PARP8: variants seen among roughly 807,000 people sequenced by gnomAD.
PARP8 encodes protein mono-ADP-ribosyltransferase PARP8.
Under a neutral mutation model 124.1 loss-of-function variants are expected in PARP8, and 51 were observed. The observed-to-expected ratio is 0.41, with a 90% CI of 0.33 to 0.52. The LOEUF (loss-of-function observed/expected upper bound fraction) is 0.52. PARP8 is among the 20% of genes least tolerant of loss of function. The pLI, the probability that PARP8 is intolerant of heterozygous loss-of-function variation, is 0.21. For missense variants in PARP8, 860 were observed against 1,018.9 expected, an observed-to-expected ratio of 0.84 and a Z score of 2.12; for synonymous variants, 391 against 361.5, an observed-to-expected ratio of 1.08 and a Z score of -0.93.
At chr5:50,749,687 T>C (rs948755319) in intron 2 of PARP8, among the ~76,000 whole-genome samples, 2 of 152,112 alleles carry the variant, frequency 1.3e-5, no homozygotes, top group African/African-American at 4.8e-5. Context: ...TTGTTAATTC[T>C]TTTAGAAAAA....
Position 50,744,939 on chromosome 5 carries a change from C to T in PARP8, c.147-5212C>T, listed in dbSNP as rs1439438081. On this transcript the variant is annotated intron_variant, in intron 2 of 25. Transcript: ENST00000281631. ...AACAGTACTCTGCAATCTACTTAAGCTTTGTTCTTTCCACGTTTTTTTGGT... is the reference window on the plus strand; with the variant it reads ...AACAGTACTCTGCAATCTACTTAAGTTTTGTTCTTTCCACGTTTTTTTGGT... 5.2e-6 allele frequency: 3 copies of T among 575,794 alleles called. No individual in the cohort carries two copies. The African/African-American group carries it at 5.6e-5, about 11-fold the overall frequency. 35.7% of individuals were successfully genotyped at this position (575,794 alleles called of 1,614,324 possible).
intron 7 of PARP8, among the ~76,000 whole-genome samples, chr5:50,768,337 T>C (rs1580270016): frequency 6.6e-6 from 1 of 152,046 alleles, no homozygotes; most frequent in African/African-American, 2.4e-5. Context: ...AAAAAAAAAC[T>C]TTATACATAT....
intron 14 of PARP8, among the ~76,000 whole-genome samples, chr5:50,814,474 T>C (rs534158517): frequency 6.6e-6 from 1 of 152,296 alleles, no homozygotes; most frequent in East Asian, 1.9e-4. Flanking sequence ...AAATGCACTT[T>C]TAAGTCTGAC....
intron 3 of PARP8, among the ~76,000 whole-genome samples, chr5:50,751,636 C>T (rs190358921): frequency 7.2e-5 from 11 of 152,060 alleles, no homozygotes; most frequent in Non-Finnish European, 1.3e-4. Flanking sequence ...TTCTCAATGC[C>T]GGTCTGTAGG....
chr5:50,688,663 A>G (rs1338782666), intron 2 of PARP8, among the ~76,000 whole-genome samples: 1 of 152,218 alleles, frequency 6.6e-6, no homozygotes, highest in Non-Finnish European at 1.5e-5. Flanking sequence ...TCTCATCTTT[A>G]TATAGGAAGT....
intron 14 of PARP8, among the ~76,000 whole-genome samples, chr5:50,800,351 A>T (rs372748631): frequency 6.6e-6 from 1 of 152,188 alleles, no homozygotes; most frequent in Non-Finnish European, 1.5e-5. Context: ...TTGTTTCTCT[A>T]TATAAAATTA....
Position 50,667,606 on chromosome 5 carries a change from G to C in PARP8, c.91+420G>C, listed in dbSNP as rs554418337. ...CTGCTGCGCTGCGCTGCGCTTGTAA[G>C]CTGCGCCCGGCGCCGAGGACCCCCG... is the stretch of plus-strand genomic sequence containing the variant. On this transcript the variant is annotated intron_variant, in intron 1 of 25. Transcript: ENST00000281631. 5.7e-6 allele frequency: 4 copies of C among 699,110 alleles called. No homozygotes were observed. In the African/African-American group the frequency reaches 7.0e-5, roughly 12 times the overall value. The allele number at this position is 699,110 out of a possible 1,614,324, so 43.3% of individuals were successfully genotyped here.
chr5:50,753,912 A>G (rs1759529834), intron 3 of PARP8, among the ~76,000 whole-genome samples: 2 of 151,432 alleles, frequency 1.3e-5, no homozygotes, highest in Non-Finnish European at 2.9e-5. Context: ...AGTGTTCATG[A>G]AAGTTCTGGT....
chr5:50,747,630 A>G (rs1758734787), intron 2 of PARP8, among the ~76,000 whole-genome samples: 1 of 151,176 alleles, frequency 6.6e-6, no homozygotes, highest in Non-Finnish European at 1.5e-5. Context: ...ATTACGAATG[A>G]TCTCTTTATA....
chr5:50,689,942 T>C (rs1752318712), intron 2 of PARP8, among the ~76,000 whole-genome samples: 1 of 152,242 alleles, frequency 6.6e-6, no homozygotes, highest in Non-Finnish European at 1.5e-5. Flanking sequence ...GTACCTCACG[T>C]CCATTCTTGG....
At chr5:50,691,345 C>A (rs1752478879) in intron 2 of PARP8, among the ~76,000 whole-genome samples, 2 of 152,246 alleles carry the variant, frequency 1.3e-5, no homozygotes, top group South Asian at 4.1e-4. Flanking sequence ...CAGGACTCCA[C>A]TGAAGCAGCT....
chr5:50,838,893 C>A (rs186550802), intron 25 of PARP8, among the ~76,000 whole-genome samples: 1 of 152,120 alleles, frequency 6.6e-6, no homozygotes, highest in Admixed American at 6.6e-5. Flanking sequence ...CAAACATGGT[C>A]TTTTCCTTGG....
At chr5:50,780,200 TG>T (rs1740512223) in intron 9 of PARP8, among the ~76,000 whole-genome samples, 1 of 152,202 alleles carries the variant, frequency 6.6e-6, no homozygotes, top group Non-Finnish European at 1.5e-5. Context: ...CATAAGGGAA[TG>T]ATTTGTAATG....
intron 10 of PARP8, among the ~76,000 whole-genome samples, chr5:50,791,188 A>G (rs1215225370): frequency 6.6e-6 from 1 of 152,228 alleles, no homozygotes. Flanking sequence ...GATTTCAGAC[A>G]GCAGAATAAT....
intron 14 of PARP8, among the ~76,000 whole-genome samples, chr5:50,800,032 G>C (rs1036280740): frequency 1.3e-5 from 2 of 152,192 alleles, no homozygotes; most frequent in African/African-American, 4.8e-5. Context: ...AATAGACCAA[G>C]ACATCATCTT....
intron 3 of PARP8, among the ~76,000 whole-genome samples, chr5:50,758,700 G>T (rs1301254730): frequency 6.6e-6 from 1 of 152,110 alleles, no homozygotes; most frequent in Admixed American, 6.6e-5. Context: ...CATTATTAAT[G>T]AATTGATGAA....
At chr5:50,811,062 TC>T (rs1207907913) in intron 14 of PARP8, among the ~76,000 whole-genome samples, 1 of 152,106 alleles carries the variant, frequency 6.6e-6, no homozygotes, top group African/African-American at 2.4e-5. Flanking sequence ...ATTTCCTTCT[TC>T]AAACTATTGG....
chr5:50,731,874 C>G (rs1166302713), intron 2 of PARP8, among the ~76,000 whole-genome samples: 1 of 152,154 alleles, frequency 6.6e-6, no homozygotes, highest in Non-Finnish European at 1.5e-5. Context: ...CCTATTCGAA[C>G]AGACATGAGA....
chr5:50,732,539 A>G (rs759192295), intron 2 of PARP8, among the ~76,000 whole-genome samples: 1 of 152,242 alleles, frequency 6.6e-6, no homozygotes, highest in African/African-American at 2.4e-5. Flanking sequence ...GGCTTTGAGA[A>G]CATAGTAGTA....
Sources: allele counts gnomAD v4.1 joint callset (sites outside exome capture counted in the v4.1 genomes callset), GRCh38; gene constraint gnomAD v4.1.1; transcripts MANE v1.5; gene names NCBI Gene and HGNC (gene_info 2026-07-23, HGNC 2026-07-21).